MYEF2: variants seen among roughly 807,000 people sequenced by gnomAD.
The protein encoded by MYEF2 is myelin gene expression factor 2.
MYEF2 carries 37 observed loss-of-function variants against 75.2 expected under a neutral mutation model. The observed-to-expected ratio is 0.49, with a 90% confidence interval of 0.38 to 0.65. The LOEUF (loss-of-function observed/expected upper bound fraction) is 0.65. Ranked by LOEUF, MYEF2 falls within the 30% of genes least tolerant of loss-of-function variation. The probability of loss-of-function intolerance (pLI) is 0.00; values close to 1 mark genes in which losing one functional copy is unlikely to be tolerated. For missense variants in MYEF2, 634 were observed against 771.4 expected, an observed-to-expected ratio of 0.82 and a Z score of 2.11; for synonymous variants, 195 against 241.6, an observed-to-expected ratio of 0.81 and a Z score of 1.79.
chr15:48,151,373 A>T, intron 13 of MYEF2, 100 bp downstream of exon 13: 1 of 1,209,782 alleles, frequency 8.3e-7, no homozygotes, highest in Non-Finnish European at 1.2e-6. Flanking sequence ...TAAGTTGTAT[A>T]AAACATTATG....
chr15:48,173,523 G>T (rs554607980), intron 1 of MYEF2, among the ~76,000 whole-genome samples: 1 of 152,022 alleles, frequency 6.6e-6, no homozygotes, highest in African/African-American at 2.4e-5. Context: ...AGACATAAAA[G>T]GCAACCAAAT....
In MYEF2 at chr15:48,139,442, G is replaced by A. The variant is rs923663457; in HGVS notation, c.*3466C>T. ...ATAAATGAAATCAAATTCATAGGAT[G>A]TCTTTTTATTATGCTAATAATTTAA... On this transcript the variant is annotated 3_prime_UTR_variant, in exon 17 of 17. Transcript: ENST00000324324. 8 of 261,602 alleles carry A rather than the reference G, an allele frequency of 3.1e-5. No homozygotes were observed. The highest frequency in any genetic ancestry group is 5.1e-5 in the Non-Finnish European group (7 of 137,496). The allele number at this position is 261,602 out of a possible 1,614,324, so 16.2% of individuals were successfully genotyped here. A position where few individuals can be genotyped will look rare whatever the true frequency, so the allele number is the denominator to read the frequency against.
chr15:48,154,682 A>G, intron 9 of MYEF2, among the ~76,000 whole-genome samples: 1 of 152,280 alleles, frequency 6.6e-6, no homozygotes, highest in Non-Finnish European at 1.5e-5. Context: ...GAAAACATTT[A>G]AAACCCAAAA....
chr15:48,139,163 G>C lies in MYEF2; in HGVS notation c.*3745C>G, dbSNP rs774959206. ...ATTTACATATATCCTGGTTTGGATG[G>C]TCACAATAACTGGTATGTATTTTAA... On this transcript the variant is annotated 3_prime_UTR_variant, in exon 17 of 17. Coordinates refer to ENST00000324324, the MANE Select transcript of MYEF2 (RefSeq NM_016132.5). 7.4e-5 allele frequency: 119 copies of C among 1,610,656 alleles called. No individual in the cohort carries two copies. Among genetic ancestry groups the C allele is most frequent in the Middle Eastern group, 1.8e-4 (1 of 5,686 alleles).
rs2039079278 is a variant in MYEF2, at chr15:48,141,375, GAGACCAGCCTGACCAACAT to G, written c.*1514_*1532del. 12 of 496,594 alleles carry G rather than the reference GAGACCAGCCTGACCAACAT, an allele frequency of 2.4e-5. No homozygotes were observed. Among genetic ancestry groups the G allele is most frequent in the Non-Finnish European group, 4.0e-5 (11 of 273,482 alleles). 30.8% of individuals were successfully genotyped at this position (496,594 alleles called of 1,614,324 possible). A position where few individuals can be genotyped will look rare whatever the true frequency, so the allele number is the denominator to read the frequency against. On this transcript the variant is annotated 3_prime_UTR_variant, in exon 17 of 17. Transcript: ENST00000324324. Reference sequence around the variant, plus strand: ...GGGTGGATCACGAGGTCAGGAGTTTGAGACCAGCCTGACCAACATGGTGAAACCCAGTCTCTACTAAAAA... The same window carrying G: ...GGGTGGATCACGAGGTCAGGAGTTTGGGTGAAACCCAGTCTCTACTAAAAA...
rs749386999 is a variant in MYEF2, at chr15:48,139,383, G to A, written c.*3525C>T. Reference sequence around the variant, plus strand: ...TTATATATAAACTGTATTTTCCACTGTTATTTAGCCTGGGGTACAATTCAA... The same window carrying A: ...TTATATATAAACTGTATTTTCCACTATTATTTAGCCTGGGGTACAATTCAA... On this transcript the variant is annotated 3_prime_UTR_variant, in exon 17 of 17. Transcript: ENST00000324324. The A allele has an allele frequency of 2.4e-6, 1 of 421,460 alleles. No individual in the cohort carries two copies. The highest frequency in any genetic ancestry group is 4.3e-6 in the Non-Finnish European group (1 of 234,838). 26.1% of individuals were successfully genotyped at this position (421,460 alleles called of 1,614,324 possible). A position where few individuals can be genotyped will look rare whatever the true frequency, so the allele number is the denominator to read the frequency against.
chr15:48,143,722 T>C (rs1248984426), intron 16 of MYEF2, among the ~76,000 whole-genome samples: 1 of 152,024 alleles, frequency 6.6e-6, no homozygotes, highest in African/African-American at 2.4e-5. Flanking sequence ...AAAACAGTGA[T>C]GTCAAGGAGA....
At position 48,178,100 on chromosome 15, in the gene MYEF2, G is replaced by A. The variant is rs1445205152; in HGVS notation, c.138C>T (p.Ser46=). 6.3e-7 allele frequency: 1 copy of A among 1,599,324 alleles called. No homozygotes were observed. Among genetic ancestry groups the A allele is most frequent in the Non-Finnish European group, 8.5e-7 (1 of 1,173,520 alleles). Residue 46 remains serine, a synonymous_variant, in exon 1 of 17, where the codon AGC becomes AGT. Transcript: ENST00000324324. ...AEAEKQQPQH[S]SSSNGVKMEN... is the part of the protein sequence containing the mutation. ...ACATTTTAACGCCATTGGAGCTGCT[G>A]CTGTGCTGCGGCTGCTGCTTCTCCG...
At chr15:48,160,620 A>G (rs117480135) in intron 5 of MYEF2, among the ~76,000 whole-genome samples, 2,566 of 152,110 alleles carry the variant, frequency 0.017, 33 homozygotes, top group Non-Finnish European at 0.027. Context: ...TATCATCTGC[A>G]ATGCCAAATG....
rs781204501 is a variant in MYEF2, at chr15:48,143,007, T to A, written c.1704A>T (p.Arg568Ser). ...TTTCAGCTGATTCTGGGGAGTCAAA[T>A]CTGACTGTTCCACAGCCTTTTGACT... Reference protein sequence around the residue: ...NGKSKGCGTVRFDSPESAEKA... With the variant: ...NGKSKGCGTVSFDSPESAEKA... The change falls in exon 17 of 17, where the codon AGA (arginine) becomes AGT (serine). Residue 568 changes from arginine to serine, a missense_variant. Physicochemically the swap from Arg to Ser is moderately radical, Grantham distance 110. Coordinates refer to ENST00000324324, the MANE Select transcript of MYEF2 (RefSeq NM_016132.5). 6.2e-7 allele frequency: 1 copy of A among 1,603,818 alleles called. No homozygotes were observed. The highest frequency in any genetic ancestry group is 1.7e-5 in the Admixed American group (1 of 58,056).
intron 5 of MYEF2, among the ~76,000 whole-genome samples, chr15:48,162,171 A>C (rs1597335155): frequency 6.6e-6 from 1 of 152,054 alleles, no homozygotes; most frequent in South Asian, 2.1e-4. Context: ...TGTTGGTAGC[A>C]TGGCCTTTGA....
chr15:48,142,010 G>T lies in MYEF2; in HGVS notation c.*898C>A. ...CAGTATTGGTAAGCACATTTTAACA[G>T]TATGCTTTTCTTTTGTAGGGAAAGG... On this transcript the variant is annotated 3_prime_UTR_variant, in exon 17 of 17. Transcript: ENST00000324324. The T allele has an allele frequency of 6.4e-7, 1 of 1,561,978 alleles. No homozygotes were observed. The highest frequency in any genetic ancestry group is 1.2e-5 in the South Asian group (1 of 86,498).
intron 7 of MYEF2, 43 bp from the exon 8 acceptor site, chr15:48,158,267 A>G (rs2039782097): frequency 1.3e-6 from 2 of 1,569,356 alleles, no homozygotes; most frequent in Admixed American, 1.7e-5. Context: ...TAACTATAAA[A>G]TTATAACAGA....
At chr15:48,158,956 AT>A (rs1241548441) in intron 6 of MYEF2, 34 bp from the exon 7 acceptor site, 1 of 1,581,212 alleles carries the variant, frequency 6.3e-7, no homozygotes, top group East Asian at 2.2e-5. Flanking sequence ...TACATACCTA[AT>A]AAATCCATCT....
chr15:48,138,576 T>C lies in MYEF2; in HGVS notation c.*4332A>G, dbSNP rs998337849. The stretch of plus-strand genomic sequence containing the variant: ...GTACATAGGGCAGGCAGAGGCATCA[T>C]CAATATTATGAAGTGGAGACAACTG... On this transcript the variant is annotated 3_prime_UTR_variant, in exon 17 of 17. Coordinates refer to ENST00000324324, the MANE Select transcript of MYEF2 (RefSeq NM_016132.5). The C allele has an allele frequency of 3.7e-5, 6 of 163,532 alleles. No homozygotes were observed. The highest frequency in any genetic ancestry group is 3.5e-4 in the Admixed American group (6 of 16,994). The allele number at this position is 163,532 out of a possible 1,614,324, so 10.1% of individuals were successfully genotyped here.
Position 48,149,392 on chromosome 15 carries a change from G to T in MYEF2, c.1379-21C>A. ...ACCACCTGGATTTTCAAGAAAGGAC[G>T]GGGGGATTTGGGAATTTTGTGTTTT... On this transcript the variant is annotated intron_variant, in intron 14 of 16. Coordinates refer to ENST00000324324, the MANE Select transcript of MYEF2 (RefSeq NM_016132.5). This position sits in a 1 kb window ranked among gnomAD's most constrained non-coding sequence, Gnocchi z 4.0. 6.2e-7 allele frequency: 1 copy of T among 1,606,366 alleles called. No homozygotes were observed.
chr15:48,159,899 TG>T, intron 5 of MYEF2, 95 bp from the exon 6 acceptor site: 2 of 1,281,180 alleles, frequency 1.6e-6, no homozygotes, highest in Middle Eastern at 3.8e-4. Flanking sequence ...CTATCCTGTC[TG>T]GCTCAAATTA....
chr15:48,160,486 TACACAC>T (rs372090273), intron 5 of MYEF2, among the ~76,000 whole-genome samples: 69 of 139,308 alleles, frequency 5.0e-4, no homozygotes, highest in African/African-American at 1.7e-3. Flanking sequence ...AAACCAAACA[TACACAC>T]ACACACACAC....
At chr15:48,176,957 G>A (rs1264570058) in intron 1 of MYEF2, among the ~76,000 whole-genome samples, 1 of 152,130 alleles carries the variant, frequency 6.6e-6, no homozygotes, top group African/African-American at 2.4e-5. Flanking sequence ...GCTGGGGAGA[G>A]CTACCCCATC....
Sources: gnomAD v4.1 joint callset for allele counts (sites outside exome capture counted in the v4.1 genomes callset) on GRCh38, gnomAD v4.1.1 for gene constraint, Gnocchi (gnomAD v3.1) non-coding constraint, MANE v1.5 for transcripts, NCBI Gene and HGNC (gene_info 2026-07-23, HGNC 2026-07-21) for gene names.